SKA2: variants seen among roughly 807,000 people sequenced by gnomAD.
SKA2 encodes spindle and kinetochore associated complex subunit 2, also known as spindle and kinetochore-associated protein 2.
In SKA2, 13 loss-of-function variants were observed where a neutral mutation model predicts 16.9. That is an observed-to-expected ratio of 0.77 (90% confidence interval 0.50 to 1.22). SKA2 has a LOEUF of 1.22. Among genes scored for constraint, SKA2 ranks in the 50% most tolerant of loss-of-function variants. The pLI is 0.00. For synonymous variants in SKA2, 47 were observed against 48.5 expected (o/e 0.97, Z 0.13); for missense variants, 107 against 139.7 (o/e 0.77, Z 1.18).
intron 2 of SKA2, 110 bp downstream of exon 2, chr17:59,131,171 A>T: frequency 1.4e-6 from 1 of 694,188 alleles, no homozygotes. Context: ...GATTCTATAA[A>T]CTTAATAATA....
intron 3 of SKA2, among the ~76,000 whole-genome samples, chr17:59,116,890 T>A (rs901528655): frequency 7.0e-6 from 1 of 143,678 alleles, no homozygotes; most frequent in African/African-American, 2.6e-5. Context: ...AGATTTTGGC[T>A]CACTGCAACC....
chr17:59,132,732 A>G (rs2046419735), intron 1 of SKA2, among the ~76,000 whole-genome samples: 1 of 152,362 alleles, frequency 6.6e-6, no homozygotes, highest in Non-Finnish European at 1.5e-5. Flanking sequence ...TGATATACAA[A>G]AAAATACTTA....
At chr17:59,146,988 TTTC>T (rs2147819260) in intron 1 of SKA2, among the ~76,000 whole-genome samples, 1 of 152,196 alleles carries the variant, frequency 6.6e-6, no homozygotes, top group South Asian at 2.1e-4. Context: ...ATGGTCTTTT[TTTC>T]TTTTCTTTTT....
intron 1 of SKA2, among the ~76,000 whole-genome samples, chr17:59,150,688 G>A (rs2046570552): frequency 6.6e-6 from 1 of 152,108 alleles, no homozygotes. Context: ...GCTGCAGTGA[G>A]GTGTAACTGG....
rs1257225621 is a variant in SKA2, at chr17:59,112,027, G to A, written c.*250C>T. On this transcript the variant is annotated 3_prime_UTR_variant, in exon 4 of 4. Transcript: ENST00000330137. The stretch of plus-strand genomic sequence containing the variant: ...TGAAATTACAAGACTAAGTGTGTGT[G>A]TGCATGCGTGTGTACATATATTTAA... 9.7e-6 allele frequency: 4 copies of A among 410,610 alleles called. No individual in the cohort carries two copies. Among genetic ancestry groups the A allele is most frequent in the African/African-American group, 6.3e-5 (3 of 47,916 alleles). 25.4% of individuals were successfully genotyped at this position (410,610 alleles called of 1,614,324 possible). A position where few individuals can be genotyped will look rare whatever the true frequency, so the allele number is the denominator to read the frequency against.
intron 3 of SKA2, among the ~76,000 whole-genome samples, chr17:59,116,697 GACTTTA>G (rs1278380993): frequency 2.6e-5 from 4 of 150,946 alleles, no homozygotes; most frequent in Non-Finnish European, 5.9e-5. Flanking sequence ...GTTCCAATGA[GACTTTA>G]TCCTTTTCTT....
At chr17:59,116,029 C>T (rs2046293685) in intron 3 of SKA2, among the ~76,000 whole-genome samples, 1 of 151,670 alleles carries the variant, frequency 6.6e-6, no homozygotes, top group South Asian at 2.1e-4. Flanking sequence ...AAGTTTAGTC[C>T]CTTTTTTCTT....
intron 1 of SKA2, among the ~76,000 whole-genome samples, chr17:59,151,434 G>A (rs1171386728): frequency 1.3e-5 from 2 of 152,116 alleles, no homozygotes; most frequent in Non-Finnish European, 2.9e-5. Flanking sequence ...ACAGAAACAT[G>A]CATAGATGTA....
intron 1 of SKA2, among the ~76,000 whole-genome samples, chr17:59,154,730 C>T (rs1480169831): frequency 6.6e-6 from 1 of 152,232 alleles, no homozygotes; most frequent in African/African-American, 2.4e-5. Flanking sequence ...CCCACCCCAC[C>T]CTCCGTTCCC....
chr17:59,119,445 A>G lies in SKA2; in HGVS notation c.171T>C (p.Tyr57=), dbSNP rs1445910589. Residue 57 remains tyrosine (Y), a synonymous_variant, in exon 3 of 4, where the codon TAT becomes TAC. Coordinates refer to ENST00000330137, the MANE Select transcript of SKA2 (RefSeq NM_182620.4). ...GTTTAAAGCGGGCATACAAAGTTTGATATCGAGACTTTATCACTGACAATT... is the reference window on the plus strand; with the variant it reads ...GTTTAAAGCGGGCATACAAAGTTTGGTATCGAGACTTTATCACTGACAATT... The part of the protein sequence containing the change: ...LKELSVIKSR[Y]QTLYARFKPV... 2.5e-5 allele frequency: 41 copies of G among 1,613,902 alleles called. No homozygotes were observed. Among genetic ancestry groups the G allele is most frequent in the Admixed American group, 3.3e-5 (2 of 60,000 alleles).
intron 3 of SKA2, among the ~76,000 whole-genome samples, chr17:59,117,461 A>G (rs1187886403): frequency 6.6e-6 from 1 of 152,132 alleles, no homozygotes; most frequent in Non-Finnish European, 1.5e-5. Context: ...CAGTGGTGCA[A>G]TCATAGCTCA....
chr17:59,131,433 CTTT>C (rs2046411223), intron 1 of SKA2, 66 bp from the exon 2 acceptor site: 8 of 1,033,466 alleles, frequency 7.7e-6, no homozygotes, highest in Non-Finnish European at 4.1e-6. Flanking sequence ...ATACTTTATT[CTTT>C]TTTTCTCTTT....
intron 2 of SKA2, among the ~76,000 whole-genome samples, chr17:59,128,280 T>C (rs995670292): frequency 6.6e-6 from 1 of 150,682 alleles, no homozygotes; most frequent in Non-Finnish European, 1.5e-5. Flanking sequence ...TACTCAGCAG[T>C]AAAAGCAAAT....
intron 3 of SKA2, among the ~76,000 whole-genome samples, chr17:59,118,592 CT>C (rs10717347): frequency 0.24 from 37,122 of 151,870 alleles, 4,855 homozygotes; most frequent in African/African-American, 0.34. Context: ...CATATACATA[CT>C]TTTTTTTGCA....
rs1670199331 is a variant in SKA2, at chr17:59,110,785, T to C, written c.*1492A>G. 1.1e-5 allele frequency: 1 copy of C among 94,728 alleles called. No homozygotes were observed. The highest frequency in any genetic ancestry group is 4.2e-5 in the African/African-American group (1 of 24,076). 5.9% of individuals were successfully genotyped at this position (94,728 alleles called of 1,614,324 possible). On this transcript the variant is annotated 3_prime_UTR_variant, in exon 4 of 4. Coordinates refer to ENST00000330137, the MANE Select transcript of SKA2 (RefSeq NM_182620.4). ...GCCTGGGCAACAGAGTGAGACTCCG[T>C]CTCAAAAAAAAAAAAAAAAAAAAAA...
At chr17:59,135,150 G>A (rs904739761) in intron 1 of SKA2, among the ~76,000 whole-genome samples, 13 of 151,650 alleles carry the variant, frequency 8.6e-5, no homozygotes, top group Admixed American at 5.9e-4. Flanking sequence ...TAAGAGAGAG[G>A]TTTCCACTAT....
chr17:59,120,435 C>G (rs931751575), intron 2 of SKA2, among the ~76,000 whole-genome samples: 1 of 150,842 alleles, frequency 6.6e-6, no homozygotes, highest in Non-Finnish European at 1.5e-5. Context: ...TAAATAGATA[C>G]AGGAATCTCA....
Position 59,119,489 on chromosome 17 carries a change from G to C in SKA2, c.127C>G (p.Pro43Ala), listed in dbSNP as rs1406003968. ...GACAATTCCTTTAAGAGTGTAACTG[G>C]ATTTTTCTATGTCAGGAAAAAAGTG... ...NHPDSASEKN[P>A]VTLLKELSVI... The change falls in exon 3 of 4, where the codon CCA (proline) becomes GCA (alanine). Residue 43 changes from proline to alanine, a missense_variant. Physicochemically the swap from Pro to Ala is conservative, Grantham distance 27. Coordinates refer to ENST00000330137, the MANE Select transcript of SKA2 (RefSeq NM_182620.4). 1 of 1,611,730 alleles carries C rather than the reference G, an allele frequency of 6.2e-7. No homozygotes were observed. Among genetic ancestry groups the C allele is most frequent in the Non-Finnish European group, 8.5e-7 (1 of 1,179,246 alleles).
chr17:59,135,335 T>A (rs953287642), intron 1 of SKA2, among the ~76,000 whole-genome samples: 2 of 138,868 alleles, frequency 1.4e-5, no homozygotes, highest in African/African-American at 5.6e-5. Flanking sequence ...TTTTTTTTTT[T>A]AGAAGGAGTC....
Sources: allele counts gnomAD v4.1 joint callset (sites outside exome capture counted in the v4.1 genomes callset), GRCh38; gene constraint gnomAD v4.1.1; transcripts MANE v1.5; gene names NCBI Gene and HGNC (gene_info 2026-07-23, HGNC 2026-07-21).